The following ACOT12 variants were observed in gnomAD, a reference collection of about 807,000 sequenced individuals.
ACOT12 encodes the protein acetyl-coenzyme A thioesterase.
A neutral mutation model predicts 67.7 loss-of-function variants in ACOT12; 51 were observed. That is an observed-to-expected ratio of 0.75 (90% CI 0.60 to 0.95). The LOEUF (loss-of-function observed/expected upper bound fraction) is 0.95. ACOT12 is among the 40% of genes least tolerant of loss of function. The probability of loss-of-function intolerance (pLI) is 0.00; values close to 1 mark genes in which losing one functional copy is unlikely to be tolerated. For missense variants in ACOT12, 734 were observed against 708.1 expected (o/e 1.04, Z -0.41); for synonymous variants, 251 against 244.6 (o/e 1.03, Z -0.24).
intron 3 of ACOT12, among the ~76,000 whole-genome samples, chr5:81,366,301 A>G (rs537928025): frequency 6.6e-6 from 1 of 152,346 alleles, no homozygotes; most frequent in South Asian, 2.1e-4. Flanking sequence ...AAAATTCACA[A>G]TGTTCAGCAT....
At chr5:81,329,022 A>G (rs540062721), downstream of ACOT12, among the ~76,000 whole-genome samples, 1 of 152,258 alleles carries the variant, frequency 6.6e-6, no homozygotes, top group Admixed American at 6.5e-5. Flanking sequence ...AATGACACAT[A>G]TTGGGGAATG....
At chr5:81,360,165 T>C (rs1258540988) in intron 4 of ACOT12, 127 bp from the exon 5 acceptor site, 3 of 909,002 alleles carry the variant, frequency 3.3e-6, no homozygotes, top group Non-Finnish European at 3.2e-6. Flanking sequence ...TTATGAGTGT[T>C]TTCACTAAAC....
intron 3 of ACOT12, among the ~76,000 whole-genome samples, chr5:81,369,857 C>T (rs1387874735): frequency 3.3e-5 from 5 of 152,206 alleles, no homozygotes; most frequent in East Asian, 1.9e-4. Context: ...TGTGCAAAGG[C>T]TAAGAGCCCC....
chr5:81,372,622 C>T (rs554582445), intron 2 of ACOT12, among the ~76,000 whole-genome samples: 2 of 152,304 alleles, frequency 1.3e-5, no homozygotes, highest in South Asian at 4.1e-4. Context: ...TGCCTCTTCC[C>T]TGAATCTCCA....
chr5:81,349,841 G>A (rs1759499456), intron 5 of ACOT12, among the ~76,000 whole-genome samples: 1 of 152,112 alleles, frequency 6.6e-6, no homozygotes, highest in Non-Finnish European at 1.5e-5. Flanking sequence ...AATATTTTTA[G>A]GTAATAAAAT....
chr5:81,379,873 A>G (rs576553863), intron 2 of ACOT12, among the ~76,000 whole-genome samples: 378 of 152,264 alleles, frequency 2.5e-3, no homozygotes, highest in African/African-American at 8.7e-3. Context: ...GTGCTGGGAT[A>G]CAGCATGAGC....
intron 1 of ACOT12, among the ~76,000 whole-genome samples, chr5:81,389,825 C>T (rs1010373378): frequency 4.1e-5 from 6 of 146,098 alleles, no homozygotes; most frequent in South Asian, 2.4e-4. Context: ...CCAGGCCCAG[C>T]CTGTATTAGT....
intron 2 of ACOT12, among the ~76,000 whole-genome samples, chr5:81,381,833 A>T (rs1760591937): frequency 6.6e-6 from 1 of 152,246 alleles, no homozygotes; most frequent in Non-Finnish European, 1.5e-5. Context: ...AAACAAATGA[A>T]CTTAAGAATG....
At chr5:81,311,097 T>A in the ACOT12 span, 1 of 1,031,736 alleles carries the variant, frequency 9.7e-7, no homozygotes, top group South Asian at 1.3e-5. Context: ...CTGGTCTAGC[T>A]ACCTTTACAA....
At chr5:81,393,196 C>A (rs1760909053) in intron 1 of ACOT12, among the ~76,000 whole-genome samples, 1 of 152,176 alleles carries the variant, frequency 6.6e-6, no homozygotes, top group Admixed American at 6.5e-5. Flanking sequence ...GAGTAGTCAG[C>A]AATCCTCCAC....
At chr5:81,356,644 A>T (rs555447845) in intron 5 of ACOT12, among the ~76,000 whole-genome samples, 75 of 152,076 alleles carry the variant, frequency 4.9e-4, no homozygotes, top group African/African-American at 1.5e-3. Context: ...TGCCCCTCAG[A>T]TCCATGATCT....
At chr5:81,346,134 T>C (rs551643932) in intron 6 of ACOT12, 130 bp from the exon 7 acceptor site, 40 of 1,400,656 alleles carry the variant, frequency 2.9e-5, no homozygotes, top group Non-Finnish European at 3.8e-5. Flanking sequence ...TTATGTGGGT[T>C]GAGGGTAGGT....
intron 1 of ACOT12, among the ~76,000 whole-genome samples, chr5:81,389,875 G>C (rs1429140171): frequency 6.6e-6 from 1 of 150,490 alleles, no homozygotes; most frequent in Non-Finnish European, 1.5e-5. Context: ...GTAATTGTAT[G>C]TCTTTCACCA....
At chr5:81,387,344 T>C (rs1760756885) in intron 1 of ACOT12, among the ~76,000 whole-genome samples, 1 of 152,124 alleles carries the variant, frequency 6.6e-6, no homozygotes, top group African/African-American at 2.4e-5. Context: ...CCATAGTCAG[T>C]ACCCTTTTAG....
At chr5:81,325,497 G>T (rs1758652775), downstream of ACOT12, among the ~76,000 whole-genome samples, 1 of 152,206 alleles carries the variant, frequency 6.6e-6, no homozygotes, top group South Asian at 2.1e-4. Flanking sequence ...GGACAGAGGT[G>T]CAGTGTTTTC....
intron 5 of ACOT12, among the ~76,000 whole-genome samples, chr5:81,357,968 T>C (rs990949943): frequency 2.2e-5 from 3 of 134,996 alleles, no homozygotes; most frequent in Non-Finnish European, 4.5e-5. Flanking sequence ...ATTGCGCCAC[T>C]GCACTCCAGC....
At chr5:81,365,345 T>C (rs1485825297) in intron 3 of ACOT12, among the ~76,000 whole-genome samples, 3 of 152,212 alleles carry the variant, frequency 2.0e-5, no homozygotes, top group African/African-American at 7.2e-5. Flanking sequence ...CAAATTAGTA[T>C]TTACATGGTA....
chr5:81,345,067 G>A (rs1188637252), intron 7 of ACOT12, 26 bp from the exon 8 acceptor site: 2 of 1,612,752 alleles, frequency 1.2e-6, no homozygotes, highest in Non-Finnish European at 1.7e-6. Flanking sequence ...CAGGGCGGTG[G>A]GCAAAGAGGA....
At chr5:81,319,026 A>G in the ACOT12 span, among the ~76,000 whole-genome samples, 2 of 152,038 alleles carry the variant, frequency 1.3e-5, no homozygotes, top group African/African-American at 4.8e-5. Flanking sequence ...TTTCAAAACT[A>G]CTTAGGACCT....
Sources: gnomAD v4.1 joint callset for allele counts (sites outside exome capture counted in the v4.1 genomes callset) on GRCh38, gnomAD v4.1.1 for gene constraint, MANE v1.5 for transcripts, NCBI Gene and HGNC (gene_info 2026-07-23, HGNC 2026-07-21) for gene names.